The following PHLPP2 variants were observed in gnomAD, a reference collection of about 807,000 sequenced individuals.
The protein encoded by PHLPP2 is PH domain and leucine rich repeat protein phosphatase 2.
Under a neutral mutation model 124.9 loss-of-function variants are expected in PHLPP2, and 66 were observed. The observed-to-expected ratio is 0.53, with a 90% CI of 0.43 to 0.65. PHLPP2 has a LOEUF of 0.65. PHLPP2 is among the 30% of genes least tolerant of loss of function. PHLPP2 has a pLI of 0.00. For synonymous variants in PHLPP2, 681 were observed against 624.7 expected, an observed-to-expected ratio of 1.09 and a Z score of -1.34; for missense variants, 1,685 against 1,600.4, an observed-to-expected ratio of 1.05 and a Z score of -0.90.
At position 71,724,688 on chromosome 16, in the gene PHLPP2, C is replaced by G; in HGVS notation, c.-366G>C. On this transcript the variant is annotated 5_prime_UTR_variant, in exon 1 of 19. Coordinates refer to ENST00000568954, the MANE Select transcript of PHLPP2 (RefSeq NM_015020.3). ...ATCTCCCCTCTGCCCTTCTTTAGAT[C>G]TATACCCCTGTGCAAGTTACTTGAT... is the stretch of plus-strand genomic sequence containing the variant. 1 of 151,896 alleles carries G rather than the reference C, an allele frequency of 6.6e-6. No homozygotes were observed. The highest frequency in any genetic ancestry group is 1.9e-4 in the East Asian group (1 of 5,204). The allele number at this position is 151,896 out of a possible 1,614,324, so 9.4% of individuals were successfully genotyped here.
chr16:71,701,602 A>C (rs2045233963), intron 3 of PHLPP2, among the ~76,000 whole-genome samples: 1 of 152,184 alleles, frequency 6.6e-6, no homozygotes, highest in East Asian at 1.9e-4. Flanking sequence ...TGGTAGGAAA[A>C]GTAGGGGCAT....
At chr16:71,718,618 C>A (rs1276350784) in intron 1 of PHLPP2, among the ~76,000 whole-genome samples, 1 of 150,968 alleles carries the variant, frequency 6.6e-6, no homozygotes, top group Non-Finnish European at 1.5e-5. Flanking sequence ...GTAATCCCAG[C>A]ACTTCAGGAG....
intron 13 of PHLPP2, among the ~76,000 whole-genome samples, chr16:71,662,601 T>C (rs995894385): frequency 1.3e-5 from 2 of 152,200 alleles, no homozygotes; most frequent in Non-Finnish European, 2.9e-5. Flanking sequence ...ATTATAATTT[T>C]ATAATTTACA....
At chr16:71,703,737 T>C (rs1177427209) in intron 2 of PHLPP2, among the ~76,000 whole-genome samples, 1 of 152,200 alleles carries the variant, frequency 6.6e-6, no homozygotes, top group Non-Finnish European at 1.5e-5. Flanking sequence ...ATCAGTATCA[T>C]GGGAATAGCA....
At chr16:71,712,551 G>A (rs1440351523) in intron 2 of PHLPP2, among the ~76,000 whole-genome samples, 1 of 152,114 alleles carries the variant, frequency 6.6e-6, no homozygotes, top group East Asian at 1.9e-4. Flanking sequence ...TATAATATAG[G>A]TCAAGGCTTT....
chr16:71,693,163 T>C (rs866885677), intron 3 of PHLPP2, among the ~76,000 whole-genome samples: 39 of 152,314 alleles, frequency 2.6e-4, no homozygotes, highest in Admixed American at 1.4e-3. Context: ...GGCGTATGCC[T>C]GTAATCCCAG....
chr16:71,675,346 A>C (rs556024792), intron 9 of PHLPP2, among the ~76,000 whole-genome samples: 49 of 152,354 alleles, frequency 3.2e-4, no homozygotes, highest in African/African-American at 1.2e-3. Flanking sequence ...CACATATCAA[A>C]AGTAAACAAA....
At chr16:71,666,602 GT>G (rs2044842336) in intron 12 of PHLPP2, among the ~76,000 whole-genome samples, 1 of 152,188 alleles carries the variant, frequency 6.6e-6, no homozygotes, top group African/African-American at 2.4e-5. Flanking sequence ...TACACATTAG[GT>G]AAACCTGATT....
At chr16:71,713,182 G>C (rs988120545) in intron 2 of PHLPP2, among the ~76,000 whole-genome samples, 1 of 152,038 alleles carries the variant, frequency 6.6e-6, no homozygotes, top group East Asian at 1.9e-4. Context: ...AGAAATCTAA[G>C]TCACTTGGCC....
At chr16:71,669,506 C>T in intron 10 of PHLPP2, 136 bp from the exon 11 acceptor site, 1 of 621,966 alleles carries the variant, frequency 1.6e-6, no homozygotes, top group African/African-American at 1.8e-5. Context: ...TCCCTTGGAA[C>T]ACTGCCTGGA....
At chr16:71,691,956 A>G (rs1169395959) in intron 3 of PHLPP2, among the ~76,000 whole-genome samples, 1 of 152,034 alleles carries the variant, frequency 6.6e-6, no homozygotes, top group African/African-American at 2.4e-5. Flanking sequence ...ACAAAACAAC[A>G]ACAACAAAAA....
chr16:71,679,169 T>C (rs978233909), intron 7 of PHLPP2, among the ~76,000 whole-genome samples, 184 bp from the exon 8 acceptor site: 2 of 152,202 alleles, frequency 1.3e-5, no homozygotes, highest in Non-Finnish European at 2.9e-5. Flanking sequence ...AAATGGTCCC[T>C]CCAACATTAA....
At chr16:71,676,132 T>C (rs1191547503) in intron 9 of PHLPP2, among the ~76,000 whole-genome samples, 1 of 152,120 alleles carries the variant, frequency 6.6e-6, no homozygotes, top group Non-Finnish European at 1.5e-5. Context: ...TCCTGGGGTA[T>C]AGTTTGCCAA....
At chr16:71,681,499 TA>T (rs1387903173) in intron 6 of PHLPP2, among the ~76,000 whole-genome samples, 3 of 152,164 alleles carry the variant, frequency 2.0e-5, no homozygotes, top group African/African-American at 7.2e-5. Flanking sequence ...CAGCAGATCA[TA>T]CATCGGTGTC....
At chr16:71,721,514 G>GACA in intron 1 of PHLPP2, among the ~76,000 whole-genome samples, 1 of 152,282 alleles carries the variant, frequency 6.6e-6, no homozygotes, top group South Asian at 2.1e-4. Flanking sequence ...TGAGGTACTT[G>GACA]AGCTCAGGAG....
At chr16:71,688,650 A>C (rs1431955319) in intron 4 of PHLPP2, among the ~76,000 whole-genome samples, 2 of 136,914 alleles carry the variant, frequency 1.5e-5, no homozygotes, top group Non-Finnish European at 3.1e-5. Flanking sequence ...GGGAGTTTAC[A>C]TTTCAGGTTC....
intron 3 of PHLPP2, among the ~76,000 whole-genome samples, chr16:71,701,306 ATCTATC>A (rs1179910215): frequency 7.8e-5 from 7 of 89,694 alleles, no homozygotes; most frequent in Admixed American, 1.4e-4. Context: ...CTATCTATCT[ATCTATC>A]TATATATCTA....
chr16:71,663,896 T>A lies in PHLPP2; in HGVS notation c.1985+3A>T, dbSNP rs1472690524. ...AAATGATCAAAGTTTGCATTCATTT[T>A]ACCTTGCAGGAAAGGTCTGTAACTG... On this transcript the variant is annotated splice_donor_region_variant and intron_variant, in intron 13 of 18. Transcript: ENST00000568954. 6 of 1,609,016 alleles carry A rather than the reference T, an allele frequency of 3.7e-6. No homozygotes were observed. The highest frequency in any genetic ancestry group is 1.3e-5 in the African/African-American group (1 of 74,868).
intron 17 of PHLPP2, 112 bp downstream of exon 17, chr16:71,655,128 G>A: frequency 1.4e-6 from 1 of 727,532 alleles, no homozygotes; most frequent in East Asian, 2.5e-5. Flanking sequence ...ACAACAACGT[G>A]AGTTCTCTCC....
Sources: allele counts gnomAD v4.1 joint callset (sites outside exome capture counted in the v4.1 genomes callset), GRCh38; gene constraint gnomAD v4.1.1; transcripts MANE v1.5; gene names NCBI Gene and HGNC (gene_info 2026-07-23, HGNC 2026-07-21).